Variants in WDR70 observed in about 807,000 individuals in gnomAD.
The protein encoded by WDR70 is WD repeat domain 70.
A neutral mutation model predicts 88.6 loss-of-function variants in WDR70; 53 were observed. That is an observed-to-expected ratio of 0.60 (90% CI 0.48 to 0.75). The LOEUF is 0.75. Ranked by LOEUF, WDR70 falls within the 30% of genes least tolerant of loss-of-function variation. WDR70 has a pLI of 0.00. For missense variants in WDR70, 610 were observed against 823.2 expected, an observed-to-expected ratio of 0.74 and a Z score of 3.17; for synonymous variants, 280 against 270.0, an observed-to-expected ratio of 1.04 and a Z score of -0.36.
intron 17 of WDR70, among the ~76,000 whole-genome samples, chr5:37,741,174 C>T (rs1427657959): frequency 6.6e-6 from 1 of 151,520 alleles, no homozygotes; most frequent in Non-Finnish European, 1.5e-5. Flanking sequence ...CTCCAAGGCA[C>T]CTCCTTTTTG....
intron 10 of WDR70, among the ~76,000 whole-genome samples, chr5:37,659,119 G>T (rs1456822359): frequency 6.6e-6 from 1 of 152,102 alleles, no homozygotes; most frequent in African/African-American, 2.4e-5. Flanking sequence ...TGATTTGCAA[G>T]AATGTTATTA....
At chr5:37,692,995 G>A (rs1746855798) in intron 10 of WDR70, among the ~76,000 whole-genome samples, 1 of 152,114 alleles carries the variant, frequency 6.6e-6, no homozygotes, top group Non-Finnish European at 1.5e-5. Context: ...ATCTCCTTAA[G>A]CTGATAAGCA....
intron 7 of WDR70, among the ~76,000 whole-genome samples, chr5:37,479,278 T>C (rs1467369464): frequency 2.6e-5 from 4 of 151,380 alleles, no homozygotes; most frequent in African/African-American, 7.3e-5. Context: ...AGATATAAGG[T>C]AATTAGAGAG....
chr5:37,723,208 G>T (rs1167052392), intron 15 of WDR70: 4 of 406,320 alleles, frequency 9.8e-6, no homozygotes, highest in Non-Finnish European at 1.8e-5. Context: ...TTTTTCAAGA[G>T]TAACAGTCTA....
rs35122146 is a variant in WDR70 at position 37,483,101 on chromosome 5, GTT to G, written c.840+3132_840+3133del. 3.1e-3 allele frequency among the ~76,000 whole-genome samples: 406 copies of G among 129,856 alleles called. 3 individuals carry two copies. The highest frequency in any genetic ancestry group is 7.7e-3 in the African/African-American group (275 of 35,598). The allele number at this position is 129,856 out of a possible 152,430, so 85.2% of individuals were successfully genotyped here. A position where few individuals can be genotyped will look rare whatever the true frequency, so the allele number is the denominator to read the frequency against. On this transcript the variant is annotated intron_variant, in intron 8 of 17. Coordinates refer to ENST00000265107, the MANE Select transcript of WDR70 (RefSeq NM_018034.4). ...AAAAAAAGGAAAGAAAGTGGTCTCAGTTTTTTTTTTTTTTTTTTTAATTGATC... is the reference window on the plus strand; with the variant it reads ...AAAAAAAGGAAAGAAAGTGGTCTCAGTTTTTTTTTTTTTTTTTAATTGATC...
At chr5:37,403,894 A>T (rs1363476398) in intron 5 of WDR70, among the ~76,000 whole-genome samples, 1 of 152,022 alleles carries the variant, frequency 6.6e-6, no homozygotes, top group Non-Finnish European at 1.5e-5. Flanking sequence ...AGGTGCATAC[A>T]ACCACATCTG....
chr5:37,411,747 T>C (rs1339770073), intron 5 of WDR70, among the ~76,000 whole-genome samples: 1 of 152,080 alleles, frequency 6.6e-6, no homozygotes, highest in Non-Finnish European at 1.5e-5. Flanking sequence ...AACAATTTGA[T>C]AGCTCTAAAA....
At chr5:37,457,136 C>T (rs77128918) in intron 7 of WDR70, among the ~76,000 whole-genome samples, 1 of 151,892 alleles carries the variant, frequency 6.6e-6, no homozygotes, top group Admixed American at 6.6e-5. Context: ...TGCTCTGTCG[C>T]CTGGGCTGGA....
intron 7 of WDR70, among the ~76,000 whole-genome samples, chr5:37,471,470 A>T (rs1353341000): frequency 1.3e-5 from 2 of 150,910 alleles, no homozygotes; most frequent in African/African-American, 2.4e-5. Flanking sequence ...TTTTTTTTTT[A>T]AATACCATTT....
At chr5:37,549,030 TTCTGGTTACTGTCAC>T (rs1742072055) in intron 9 of WDR70, among the ~76,000 whole-genome samples, 1 of 152,238 alleles carries the variant, frequency 6.6e-6, no homozygotes, top group Non-Finnish European at 1.5e-5. Context: ...TACCATGCTG[TTCTGGTTACTGTCAC>T]TCTGGTTATA....
intron 5 of WDR70, among the ~76,000 whole-genome samples, chr5:37,409,547 C>T (rs1264321483): frequency 6.6e-6 from 1 of 151,496 alleles, no homozygotes; most frequent in Non-Finnish European, 1.5e-5. Flanking sequence ...TCTTGTTGCC[C>T]AGGCTGGAGT....
At chr5:37,412,548 A>G (rs1008087524) in intron 5 of WDR70, among the ~76,000 whole-genome samples, 6 of 152,032 alleles carry the variant, frequency 3.9e-5, no homozygotes, top group Non-Finnish European at 5.9e-5. Flanking sequence ...CCTGTTTCCC[A>G]TTACTACAGA....
At chr5:37,591,217 C>T (rs1411152065) in intron 9 of WDR70, among the ~76,000 whole-genome samples, 1 of 152,062 alleles carries the variant, frequency 6.6e-6, no homozygotes, top group Non-Finnish European at 1.5e-5. Flanking sequence ...CCTGTAATCC[C>T]AGCTACTTGG....
chr5:37,650,959 G>T (rs1001169120), intron 10 of WDR70, among the ~76,000 whole-genome samples: 1 of 121,580 alleles, frequency 8.2e-6, no homozygotes, highest in Non-Finnish European at 1.8e-5. Flanking sequence ...TACAGAATGG[G>T]CTTCATTTTT....
intron 10 of WDR70, among the ~76,000 whole-genome samples, chr5:37,655,147 C>G (rs904164374): frequency 1.3e-5 from 2 of 152,126 alleles, no homozygotes; most frequent in Non-Finnish European, 2.9e-5. Context: ...CTGGTGGTGA[C>G]AGAATCTCTC....
At chr5:37,414,522 C>T (rs996213462) in intron 5 of WDR70, among the ~76,000 whole-genome samples, 4 of 151,506 alleles carry the variant, frequency 2.6e-5, no homozygotes, top group African/African-American at 9.7e-5. Context: ...CTTTATGGTA[C>T]TTATCATTAT....
intron 10 of WDR70, among the ~76,000 whole-genome samples, chr5:37,617,637 G>T (rs891131561): frequency 2.0e-5 from 3 of 152,160 alleles, no homozygotes; most frequent in African/African-American, 2.4e-5. Flanking sequence ...TTGGGGGTGA[G>T]AATTTTTTCT....
intron 10 of WDR70, among the ~76,000 whole-genome samples, chr5:37,692,744 T>C (rs1299217139): frequency 3.3e-5 from 5 of 152,054 alleles, no homozygotes; most frequent in Non-Finnish European, 7.4e-5. Context: ...TTATGACAAA[T>C]CCATAGCCAA....
rs550821207 is a variant in WDR70, at chr5:37,500,716, C to CTTTTTTTTTTT, written c.841-15782_841-15772dup. ...GAGCATTTTATCATATATTTGTTGG[C>CTTTTTTTTTTT]TTTTTTTTTTTTTTTTTTTTTTTTT... On this transcript the variant is annotated intron_variant, in intron 8 of 17. Coordinates refer to ENST00000265107, the MANE Select transcript of WDR70 (RefSeq NM_018034.4). 3.0e-4 allele frequency among the ~76,000 whole-genome samples: 19 copies of CTTTTTTTTTTT among 63,292 alleles called. 6 individuals carry two copies. The highest frequency in any genetic ancestry group is 4.9e-4 in the Non-Finnish European group (16 of 32,346). The allele number at this position is 63,292 out of a possible 152,430, so 41.5% of individuals were successfully genotyped here.
Sources: allele counts gnomAD v4.1 joint callset (sites outside exome capture counted in the v4.1 genomes callset), GRCh38; gene constraint gnomAD v4.1.1; transcripts MANE v1.5; gene names NCBI Gene and HGNC (gene_info 2026-07-23, HGNC 2026-07-21).